The following CELA2B variants were observed in gnomAD, a reference collection of about 807,000 sequenced individuals.
CELA2B encodes chymotrypsin like elastase 2B.
CELA2B carries 27 observed loss-of-function variants against 36.5 expected under a neutral mutation model. The ratio of observed to expected loss-of-function variants is 0.74; its 90% CI spans 0.55 to 1.02. The LOEUF is 1.02. CELA2B is among the 50% of genes least tolerant of loss of function. The pLI is 0.00. For missense variants in CELA2B, 340 were observed against 347.8 expected, an observed-to-expected ratio of 0.98 and a Z score of 0.18; for synonymous variants, 143 against 148.5, an observed-to-expected ratio of 0.96 and a Z score of 0.27.
Position 15,482,234 on chromosome 1 carries a change from T to C in CELA2B, c.228-31T>C, listed in dbSNP as rs776526114. 5 of 1,611,976 alleles carry C rather than the reference T, an allele frequency of 3.1e-6. No individual in the cohort carries two copies. The South Asian group carries it at 5.5e-5, about 18-fold the overall frequency. Reference sequence around the variant, plus strand: ...TTATTCAAAGCCAGGCCTCTGGAGGTGACCCTCTCCCTGGGACCCCTTTCT... The same window carrying C: ...TTATTCAAAGCCAGGCCTCTGGAGGCGACCCTCTCCCTGGGACCCCTTTCT... On this transcript the variant is annotated intron_variant, in intron 3 of 7. Transcript: ENST00000375910.
intron 2 of CELA2B, among the ~76,000 whole-genome samples, chr1:15,479,490 G>T (rs1557523738): frequency 6.6e-6 from 1 of 152,176 alleles, no homozygotes; most frequent in African/African-American, 2.4e-5. Context: ...AGGTTGCAAT[G>T]AGCCAATATC....
At chr1:15,491,024 AG>A (rs111689880) in intron 7 of CELA2B, 93,493 of 477,092 alleles carry the variant, frequency 0.2, 10,054 homozygotes, top group African/African-American at 0.23. Flanking sequence ...TATAATTTTT[AG>A]GGGGTTCGAA....
At chr1:15,489,759 G>GT (rs1273067786) in intron 7 of CELA2B, among the ~76,000 whole-genome samples, 4 of 152,174 alleles carry the variant, frequency 2.6e-5, no homozygotes, top group African/African-American at 7.2e-5. Context: ...TTTCCAGAAG[G>GT]TAATACATAC....
At chr1:15,476,855 G>A (rs1041700455) in intron 2 of CELA2B, among the ~76,000 whole-genome samples, 2 of 152,120 alleles carry the variant, frequency 1.3e-5, no homozygotes, top group African/African-American at 2.4e-5. Flanking sequence ...AGTGGCACAC[G>A]CCTGTAATCC....
chr1:15,480,851 C>T (rs1263138068), intron 2 of CELA2B, among the ~76,000 whole-genome samples: 1 of 151,974 alleles, frequency 6.6e-6, no homozygotes, highest in Non-Finnish European at 1.5e-5. Flanking sequence ...CTGCCTTGGC[C>T]TCCCAAAGTG....
chr1:15,476,524 G>A lies in CELA2B; in HGVS notation c.108G>A (p.Arg36=), dbSNP rs750202039. 1 of 1,613,944 alleles carries A rather than the reference G, an allele frequency of 6.2e-7. No individual in the cohort carries two copies. The highest frequency in any genetic ancestry group is 1.1e-5 in the South Asian group (1 of 91,062). The change falls in exon 2 of 8, where the codon AGG becomes AGA. Residue 36 remains arginine (R), a synonymous_variant. Coordinates refer to ENST00000375910, the MANE Select transcript of CELA2B (RefSeq NM_015849.3). ...MSRMLGGEEA[R]PNSWPWQVSL... is the part of the protein sequence containing the mutation. The stretch of plus-strand genomic sequence containing the variant: ...GGATGCTTGGAGGTGAAGAAGCGAG[G>A]CCCAACAGCTGGCCCTGGCAGGTGA...
intron 2 of CELA2B, among the ~76,000 whole-genome samples, chr1:15,479,868 G>A (rs1001254249): frequency 3.9e-5 from 6 of 152,210 alleles, no homozygotes; most frequent in Non-Finnish European, 5.9e-5. Context: ...GCAGAAGCGG[G>A]TTTGGTGTAT....
intron 5 of CELA2B, among the ~76,000 whole-genome samples, chr1:15,483,687 G>GA (rs1708771014): frequency 6.6e-6 from 1 of 152,198 alleles, no homozygotes; most frequent in Non-Finnish European, 1.5e-5. Context: ...CGGCACTTTG[G>GA]GAGGCCGAGA....
At position 15,486,003 on chromosome 1, in the gene CELA2B, A is replaced by G. The variant is rs1255607579; in HGVS notation, c.596A>G (p.Asn199Ser). 5.4e-5 allele frequency: 87 copies of G among 1,614,186 alleles called. No individual in the cohort carries two copies. The highest frequency in any genetic ancestry group is 6.9e-5 in the Non-Finnish European group (81 of 1,180,032). Residue 199 changes from asparagine to serine, a missense_variant, in exon 6 of 8, where the codon AAT becomes AGT. By Grantham distance (46) the Asn-to-Ser change is conservative. Transcript: ENST00000375910. ...TGGTGGGGCAGCACCGTGAAGACGAATATGATCTGTGCTGGGGGTGATGGC... is the reference window on the plus strand; with the variant it reads ...TGGTGGGGCAGCACCGTGAAGACGAGTATGATCTGTGCTGGGGGTGATGGC... ...SGWWGSTVKT[N>S]MICAGGDGVI...
At position 15,487,433 on chromosome 1, in the gene CELA2B, A is replaced by T. The variant is rs760031594; in HGVS notation, c.788A>T (p.Asn263Ile). 2 of 1,614,244 alleles carry T rather than the reference A, an allele frequency of 1.2e-6. No individual in the cohort carries two copies. The highest frequency in any genetic ancestry group is 1.7e-6 in the Non-Finnish European group (2 of 1,180,046). The change falls in exon 7 of 8, where the codon AAT becomes ATT. Residue 263 changes from asparagine (N) to isoleucine (I), a missense_variant. Transcript: ENST00000375910. ...GTCTCCAACTACAACGACTGGATCA[A>T]TTCGGTAAGAACCGGAGCAGCCCTG... is the stretch of plus-strand genomic sequence containing the variant. ...TRVSNYNDWI[N>I]SVIANN
intron 1 of CELA2B, 38 bp from the exon 2 acceptor site, chr1:15,476,419 G>T: frequency 6.3e-7 from 1 of 1,593,406 alleles, no homozygotes; most frequent in Non-Finnish European, 8.6e-7. Flanking sequence ...TGTGTGGGTC[G>T]CTGCTTCCTG....
chr1:15,488,057 C>T (rs1708827572), intron 7 of CELA2B, among the ~76,000 whole-genome samples: 1 of 152,210 alleles, frequency 6.6e-6, no homozygotes, highest in South Asian at 2.1e-4. Context: ...ACAATGAACA[C>T]ACATTTTTTA....
intron 7 of CELA2B, among the ~76,000 whole-genome samples, chr1:15,489,502 A>C (rs1281848170): frequency 2.6e-5 from 4 of 152,176 alleles, no homozygotes; most frequent in African/African-American, 7.2e-5. Flanking sequence ...TGAAACCTTG[A>C]AGTGGCCCCA....
At chr1:15,491,112 A>G in intron 7 of CELA2B, 183 bp from the exon 8 acceptor site, 1 of 677,242 alleles carries the variant, frequency 1.5e-6, no homozygotes, top group Non-Finnish European at 2.6e-6. Context: ...GGTCAATGAA[A>G]AGCTGTGATT....
intron 7 of CELA2B, among the ~76,000 whole-genome samples, chr1:15,489,297 C>A (rs1708842545): frequency 6.6e-6 from 1 of 152,232 alleles, no homozygotes; most frequent in Non-Finnish European, 1.5e-5. Context: ...CAGGCCAGAT[C>A]CCAAAGCATG....
chr1:15,486,090 G>A (rs780634627), intron 6 of CELA2B, 44 bp downstream of exon 6: 1 of 1,599,700 alleles, frequency 6.3e-7, no homozygotes, highest in East Asian at 2.2e-5. Context: ...ACAAAATGTG[G>A]CTGGGGATGG....
In CELA2B at chr1:15,482,346, TAAGATTGTGGTGCAC is replaced by T; in HGVS notation, c.313_327del (p.Ile105_Lys109del). On this transcript the variant is annotated inframe_deletion, in exon 4 of 8. Transcript: ENST00000375910. ...CCGGCTCGCTGGCCGTCAGTGTCTC[TAAGATTGTGGTGCAC>T]AAGGACTGGAACTCCGACCAGGTCT... The T allele has an allele frequency of 6.2e-7, 1 of 1,614,152 alleles. No individual in the cohort carries two copies. Among genetic ancestry groups the T allele is most frequent in the Middle Eastern group, 1.7e-4 (1 of 6,060 alleles).
chr1:15,483,187 G>C lies in CELA2B; in HGVS notation c.357-77G>C. ...GGTAACGTACAGGGAAGATGACAAG[G>C]TCTCCAAGCCCTCCAAAGCCCCATA... On this transcript the variant is annotated intron_variant, in intron 4 of 7. Transcript: ENST00000375910. The C allele has an allele frequency of 2.5e-6, 4 of 1,592,386 alleles. No individual in the cohort carries two copies. The South Asian group carries it at 3.4e-5, about 14-fold the overall frequency.
intron 2 of CELA2B, 97 bp from the exon 3 acceptor site, chr1:15,481,001 T>TC (rs1557524276): frequency 7.4e-7 from 1 of 1,352,992 alleles, no homozygotes; most frequent in African/African-American, 1.4e-5. Flanking sequence ...AGTGCCTCAC[T>TC]CCCCCTTACC....
Sources: gnomAD v4.1 joint callset for allele counts (sites outside exome capture counted in the v4.1 genomes callset) on GRCh38, gnomAD v4.1.1 for gene constraint, MANE v1.5 for transcripts, NCBI Gene and HGNC (gene_info 2026-07-23, HGNC 2026-07-21) for gene names.